The following SLC47A1 variants were observed in gnomAD, a reference collection of about 807,000 sequenced individuals.
The protein encoded by SLC47A1 is multidrug and toxin extrusion protein 1.
Under a neutral mutation model 65.8 loss-of-function variants are expected in SLC47A1, and 58 were observed. The ratio of observed to expected loss-of-function variants is 0.88; its 90% CI spans 0.71 to 1.10. SLC47A1 has a LOEUF of 1.10. Among genes scored for constraint, SLC47A1 ranks in the 50% least tolerant of loss-of-function variants. The pLI, the probability that SLC47A1 is intolerant of heterozygous loss-of-function variation, is 0.00. For missense variants in SLC47A1, 706 were observed against 719.2 expected, an observed-to-expected ratio of 0.98 and a Z score of 0.21; for synonymous variants, 285 against 295.0, an observed-to-expected ratio of 0.97 and a Z score of 0.35.
chr17:19,541,817 G>A (rs1445824967), intron 1 of SLC47A1, among the ~76,000 whole-genome samples: 1 of 152,148 alleles, frequency 6.6e-6, no homozygotes, highest in Non-Finnish European at 1.5e-5. Context: ...TATGGCTTGA[G>A]AAACTGAACT....
At chr17:19,541,962 T>TA (rs1256069702) in intron 1 of SLC47A1, among the ~76,000 whole-genome samples, 1 of 152,096 alleles carries the variant, frequency 6.6e-6, no homozygotes, top group East Asian at 1.9e-4. Flanking sequence ...CTGTCCCTAC[T>TA]AAAAATACAA....
intron 10 of SLC47A1, chr17:19,557,978 C>T (rs1916668357): frequency 4.5e-6 from 1 of 220,026 alleles, no homozygotes; most frequent in Non-Finnish European, 9.3e-6. Context: ...ATATGCTTTC[C>T]AATAGGCTTG....
intron 1 of SLC47A1, among the ~76,000 whole-genome samples, chr17:19,540,146 C>T (rs1916100781): frequency 6.6e-6 from 1 of 152,182 alleles, no homozygotes; most frequent in Admixed American, 6.5e-5. Flanking sequence ...TCTAATGATT[C>T]CCTTGGACTG....
chr17:19,569,051 C>T (rs1031754931), intron 14 of SLC47A1, among the ~76,000 whole-genome samples: 2 of 151,990 alleles, frequency 1.3e-5, no homozygotes, highest in Non-Finnish European at 2.9e-5. Context: ...TCCCAAGTGC[C>T]GTCCTTGGCT....
chr17:19,563,431 C>T (rs1040072531), intron 12 of SLC47A1, among the ~76,000 whole-genome samples: 2 of 151,682 alleles, frequency 1.3e-5, no homozygotes, highest in South Asian at 2.1e-4. Context: ...CACGCCCGGC[C>T]GAGAAAGCTA....
Position 19,578,009 on chromosome 17 carries a change from G to C in SLC47A1, c.*456G>C, listed in dbSNP as rs1226507594. On this transcript the variant is annotated 3_prime_UTR_variant, in exon 17 of 17. Transcript: ENST00000270570. Reference sequence around the variant, plus strand: ...TTAATTTTTTTTTTAATAGACGGAAGTCTTGCTCTGTCATGCAGGCTGGAG... The same window carrying C: ...TTAATTTTTTTTTTAATAGACGGAACTCTTGCTCTGTCATGCAGGCTGGAG... The C allele has an allele frequency of 8.0e-7, 1 of 1,256,826 alleles. No individual in the cohort carries two copies. Among genetic ancestry groups the C allele is most frequent in the Non-Finnish European group, 1.0e-6 (1 of 961,006 alleles). The allele number at this position is 1,256,826 out of a possible 1,614,324, so 77.9% of individuals were successfully genotyped here. A position where few individuals can be genotyped will look rare whatever the true frequency, so the allele number is the denominator to read the frequency against.
intron 12 of SLC47A1, among the ~76,000 whole-genome samples, chr17:19,563,002 T>C (rs946853674): frequency 2.6e-5 from 4 of 151,904 alleles, no homozygotes; most frequent in African/African-American, 9.7e-5. Context: ...TTTGCACAAC[T>C]TTTTCCAAGG....
At chr17:19,577,300 AGCT>A (rs1874094252) in intron 16 of SLC47A1, 24 bp from the exon 17 acceptor site, 1 of 1,608,090 alleles carries the variant, frequency 6.2e-7, no homozygotes, top group Admixed American at 1.7e-5. Flanking sequence ...ATCCCTTTTA[AGCT>A]GCTAAGTTCC....
chr17:19,542,029 G>T (rs1401295616), intron 1 of SLC47A1, among the ~76,000 whole-genome samples: 1 of 152,168 alleles, frequency 6.6e-6, no homozygotes, highest in Non-Finnish European at 1.5e-5. Context: ...GGAGGCTGAG[G>T]CAGGAGAATT....
chr17:19,539,706 G>A (rs1597492543), intron 1 of SLC47A1, among the ~76,000 whole-genome samples: 1 of 152,048 alleles, frequency 6.6e-6, no homozygotes, highest in Non-Finnish European at 1.5e-5. Context: ...GACTGGTCTC[G>A]AACTTCTGAC....
chr17:19,567,450 C>T (rs919903418), intron 14 of SLC47A1, among the ~76,000 whole-genome samples: 6 of 152,172 alleles, frequency 3.9e-5, no homozygotes, highest in African/African-American at 7.2e-5. Context: ...CCCCTGCGGG[C>T]GATCTTCCAC....
Position 19,534,050 on chromosome 17 carries a change from G to C in SLC47A1, c.111G>C (p.Ala37=). Residue 37 remains alanine, a synonymous_variant, in exon 1 of 17, where the codon GCG becomes GCC. Transcript: ENST00000270570. ...RLSAFREELR[A]LLVLAGPAFL... ...CCGCCTTCCGAGAAGAGCTGCGGGC[G>C]CTCTTGGTCCTGGCTGGCCCCGCGG... 6.5e-7 allele frequency: 1 copy of C among 1,547,084 alleles called. No homozygotes were observed. The highest frequency in any genetic ancestry group is 8.7e-7 in the Non-Finnish European group (1 of 1,147,244).
intron 14 of SLC47A1, among the ~76,000 whole-genome samples, chr17:19,569,120 C>T (rs2152317028): frequency 6.6e-6 from 1 of 152,048 alleles, no homozygotes; most frequent in Non-Finnish European, 1.5e-5. Flanking sequence ...GCCTGTAATT[C>T]CAGCACTTTG....
intron 14 of SLC47A1, 71 bp downstream of exon 14, chr17:19,567,299 G>A (rs1242939448): frequency 1.3e-6 from 2 of 1,598,568 alleles, no homozygotes; most frequent in South Asian, 2.2e-5. Context: ...GAGCACACGG[G>A]TCTTTGACTG....
At chr17:19,567,272 C>T (rs756261671) in intron 14 of SLC47A1, 44 bp downstream of exon 14, 1 of 1,612,296 alleles carries the variant, frequency 6.2e-7, no homozygotes, top group South Asian at 1.1e-5. Context: ...GCTCACCAGC[C>T]CAGGAAATGA....
intron 12 of SLC47A1, among the ~76,000 whole-genome samples, chr17:19,561,075 G>A (rs2084306213): frequency 6.6e-6 from 1 of 151,710 alleles, no homozygotes; most frequent in African/African-American, 2.4e-5. Context: ...TGGCCAACAT[G>A]GTGAAACCCC....
At position 19,578,123 on chromosome 17, in the gene SLC47A1, A is replaced by C; in HGVS notation, c.*570A>C. On this transcript the variant is annotated 3_prime_UTR_variant, in exon 17 of 17. Coordinates refer to ENST00000270570, the MANE Select transcript of SLC47A1 (RefSeq NM_018242.3). ...GTCAGCCACCAGAGTAGCTGAGACT[A>C]CAGGGGTATGCCACCATGCCCAGCT... 2 of 509,246 alleles carry C rather than the reference A, an allele frequency of 3.9e-6. No homozygotes were observed. Among genetic ancestry groups the C allele is most frequent in the Non-Finnish European group, 3.6e-6 (1 of 279,026 alleles). 31.5% of individuals were successfully genotyped at this position (509,246 alleles called of 1,614,324 possible).
In SLC47A1 at chr17:19,547,996, C is replaced by T; in HGVS notation, c.318C>T (p.Ser106=). ...TGTGTGCACCCCAGACGTACGGGAG[C>T]CAGAACCTGAAGCACGTGGGCGTGA... ...CDTLISQTYG[S]QNLKHVGVIL... The change falls in exon 4 of 17, where the codon AGC becomes AGT. Residue 106 remains serine (S), a synonymous_variant. Transcript: ENST00000270570. 1 of 1,612,786 alleles carries T rather than the reference C, an allele frequency of 6.2e-7. No homozygotes were observed.
Position 19,533,943 on chromosome 17 carries a change from G to T in SLC47A1, c.4G>T (p.Glu2Ter). ...CCGGCCGCAGCGCGCGAGTCACATG[G>T]AAGCTCCTGAGGAGCCCGCGCCAGT... M[E>*]APEEPAPVRG... Residue 2 changes from glutamate to a stop codon, truncating the protein, a stop_gained, in exon 1 of 17, where the codon GAA becomes TAA. Transcript: ENST00000270570. LOFTEE classifies it high-confidence loss of function. 1 of 1,509,550 alleles carries T rather than the reference G, an allele frequency of 6.6e-7. No homozygotes were observed. Among genetic ancestry groups the T allele is most frequent in the African/African-American group, 1.4e-5 (1 of 70,024 alleles). The allele number at this position is 1,509,550 out of a possible 1,614,324, so 93.5% of individuals were successfully genotyped here.
Sources: gnomAD v4.1 joint callset for allele counts (sites outside exome capture counted in the v4.1 genomes callset) on GRCh38, gnomAD v4.1.1 for gene constraint, MANE v1.5 for transcripts, NCBI Gene and HGNC (gene_info 2026-07-23, HGNC 2026-07-21) for gene names.